The following LARP1B variants were observed in gnomAD, a reference collection of about 807,000 sequenced individuals.
LARP1B encodes the protein La ribonucleoprotein 1B.
LARP1B carries 76 observed loss-of-function variants against 114.2 expected under a neutral mutation model. The observed-to-expected ratio is 0.67, with a 90% CI of 0.55 to 0.81. The LOEUF (loss-of-function observed/expected upper bound fraction) is 0.81. LARP1B is among the 30% of genes least tolerant of loss of function. The pLI is 0.00. For synonymous variants in LARP1B, 345 were observed against 348.0 expected (o/e 0.99, Z 0.10); for missense variants, 1,014 against 1,075.8 (o/e 0.94, Z 0.80).
In LARP1B at chr4:128,159,485, C is replaced by T. The variant is rs142647795; in HGVS notation, c.1525-2709C>T. 1.1e-3 allele frequency among the ~76,000 whole-genome samples: 161 copies of T among 152,268 alleles called. 1 individual carries two copies. In the Middle Eastern group the frequency reaches 0.034, roughly 32 times the overall value. ...TGTTACATGATGGAATCACACATTT[C>T]TTAGAGCAATTTTAGATTCATAGCA... is the stretch of plus-strand genomic sequence containing the variant. On this transcript the variant is annotated intron_variant, in intron 11 of 19. Transcript: ENST00000326639.
At chr4:128,152,692 C>T (rs1202977178) in intron 11 of LARP1B, among the ~76,000 whole-genome samples, 3 of 151,072 alleles carry the variant, frequency 2.0e-5, no homozygotes, top group Non-Finnish European at 4.4e-5. Context: ...TAATTTTCTC[C>T]CTTTTTAGTG....
intron 15 of LARP1B, among the ~76,000 whole-genome samples, chr4:128,192,342 A>G (rs572445965): frequency 2.0e-4 from 30 of 152,286 alleles, no homozygotes; most frequent in Non-Finnish European, 3.4e-4. Context: ...ATATGCCCAT[A>G]TAATTCAGCT....
At chr4:128,139,776 A>T (rs1424393218) in intron 11 of LARP1B, among the ~76,000 whole-genome samples, 2 of 152,190 alleles carry the variant, frequency 1.3e-5, no homozygotes, top group Non-Finnish European at 2.9e-5. Context: ...TTAGTCAAGG[A>T]GATGAAAATA....
chr4:128,116,062 T>G lies in LARP1B; in HGVS notation c.1161+1320T>G, dbSNP rs1785700947. Among the ~76,000 whole-genome samples, 5 of 152,224 alleles carry G rather than the reference T, an allele frequency of 3.3e-5. No individual in the cohort carries two copies. The South Asian group carries it at 1.0e-3, about 31-fold the overall frequency. ...CTGGTTTATATATGTTTTGGTGATT[T>G]AATGTGCAAAAGGAAAAGAAAATTG... On this transcript the variant is annotated intron_variant, in intron 10 of 19. Transcript: ENST00000326639.
At position 128,199,478 on chromosome 4, in the gene LARP1B, A is replaced by C; in HGVS notation, c.2043A>C (p.Ala681=). 1 of 1,584,656 alleles carries C rather than the reference A, an allele frequency of 6.3e-7. No individual in the cohort carries two copies. The highest frequency in any genetic ancestry group is 8.6e-7 in the Non-Finnish European group (1 of 1,164,298). The change falls in exon 16 of 20, where the codon GCA becomes GCC. Residue 681 remains alanine, a synonymous_variant. Coordinates refer to ENST00000326639, the MANE Select transcript of LARP1B (RefSeq NM_018078.4). ...CACCTTCAGAAGGCGCACCACTAGC[A>C]GGAAGTTATGGATGTACTCCTCATT... ...NASPSEGAPL[A]GSYGCTPHSF... is the part of the protein sequence containing the mutation.
At chr4:128,069,701 T>C (rs1374895764) in intron 1 of LARP1B, 2 of 367,032 alleles carry the variant, frequency 5.4e-6, no homozygotes, top group Non-Finnish European at 1.0e-5. Flanking sequence ...CCCTTACTTG[T>C]ATTTATGGTT....
chr4:128,131,307 A>T lies in LARP1B; in HGVS notation c.1524+9119A>T, dbSNP rs562547753. On this transcript the variant is annotated intron_variant, in intron 11 of 19. Coordinates refer to ENST00000326639, the MANE Select transcript of LARP1B (RefSeq NM_018078.4). ...TGCTGTGAACCTAAAACTTCTAAAAATACCTAAAGAAAGATAACAGGTTAG... is the reference window on the plus strand; with the variant it reads ...TGCTGTGAACCTAAAACTTCTAAAATTACCTAAAGAAAGATAACAGGTTAG... 1.1e-4 allele frequency among the ~76,000 whole-genome samples: 16 copies of T among 152,316 alleles called. No homozygotes were observed. In the South Asian group the frequency reaches 3.1e-3, roughly 30 times the overall value.
In LARP1B at chr4:128,083,236, A is replaced by C. The variant is rs1771344167; in HGVS notation, c.358+931A>C. ...TACTACTTTCCACACAGACACGGCA[A>C]CCATCCGATTTCTCAATCTTTTCCC... is the stretch of plus-strand genomic sequence containing the variant. On this transcript the variant is annotated intron_variant, in intron 5 of 19. Coordinates refer to ENST00000326639, the MANE Select transcript of LARP1B (RefSeq NM_018078.4). Among the ~76,000 whole-genome samples the C allele has an allele frequency of 2.6e-5, 4 of 152,146 alleles. No homozygotes were observed. In the South Asian group the frequency reaches 8.3e-4, roughly 32 times the overall value.
chr4:128,107,565 G>T, intron 9 of LARP1B: 2 of 1,364,202 alleles, frequency 1.5e-6, no homozygotes, highest in African/African-American at 1.5e-5. Flanking sequence ...TGTCATGTAT[G>T]GAGTTTCTAT....
intron 5 of LARP1B, among the ~76,000 whole-genome samples, chr4:128,090,074 C>CT (rs778984219): frequency 0.024 from 2,819 of 119,164 alleles, 39 homozygotes; most frequent in Non-Finnish European, 0.035. Context: ...CACCGGGCCT[C>CT]TTTTTTTTTT....
intron 10 of LARP1B, 36 bp from the exon 11 acceptor site, chr4:128,121,790 A>T: frequency 7.2e-7 from 1 of 1,392,384 alleles, no homozygotes; most frequent in Non-Finnish European, 9.5e-7. Context: ...AAATGATAGA[A>T]AGTTTTTTAT....
chr4:128,143,159 G>C (rs9760910), intron 11 of LARP1B, among the ~76,000 whole-genome samples: 98,722 of 151,762 alleles, frequency 0.65, 32,408 homozygotes, highest in Middle Eastern at 0.82. Context: ...GTGGCACACA[G>C]CTGTAGTCTC....
chr4:128,169,408 C>T (rs985292063), intron 12 of LARP1B, among the ~76,000 whole-genome samples: 8 of 151,762 alleles, frequency 5.3e-5, no homozygotes, highest in African/African-American at 1.9e-4. Flanking sequence ...TTTTGATTTT[C>T]ATTCAGTTCT....
chr4:128,178,367 C>A, intron 13 of LARP1B, 64 bp from the exon 14 acceptor site: 2 of 1,174,094 alleles, frequency 1.7e-6, no homozygotes, highest in Non-Finnish European at 2.5e-6. Flanking sequence ...CAAAATTATC[C>A]TTATTCTCAA....
chr4:128,204,382 TG>T (rs1756957313), intron 17 of LARP1B, among the ~76,000 whole-genome samples: 1 of 151,916 alleles, frequency 6.6e-6, no homozygotes, highest in Non-Finnish European at 1.5e-5. Flanking sequence ...AGGCCAGGCG[TG>T]GTGGCTCATG....
At chr4:128,084,273 G>A (rs1376578550) in intron 5 of LARP1B, among the ~76,000 whole-genome samples, 22 of 152,172 alleles carry the variant, frequency 1.4e-4, no homozygotes, top group Non-Finnish European at 2.5e-4. Flanking sequence ...CAAGGCAGGC[G>A]GCTGGGAGAT....
At chr4:128,114,777 C>A in intron 10 of LARP1B, 35 bp downstream of exon 10, 1 of 1,594,614 alleles carries the variant, frequency 6.3e-7, no homozygotes, top group Non-Finnish European at 8.6e-7. Flanking sequence ...GTGTGACATA[C>A]CCTGGGTGGA....
rs778280824 is a variant in LARP1B at position 128,107,136 on chromosome 4, T to C, written c.814-3T>C. The C allele has an allele frequency of 8.1e-6, 13 of 1,611,246 alleles. No individual in the cohort carries two copies. The highest frequency in any genetic ancestry group is 1.7e-5 in the Admixed American group (1 of 59,870). The stretch of plus-strand genomic sequence containing the variant: ...ATTTTAATAGCTCAATTTCTGTTAA[T>C]AGGCACTGAAGGATAGCACAGAAGT... On this transcript the variant is annotated splice_polypyrimidine_tract_variant and splice_region_variant and intron_variant, in intron 8 of 19. Transcript: ENST00000326639.
intron 3 of LARP1B, 55 bp downstream of exon 3, chr4:128,075,048 G>A (rs373692350): frequency 1.3e-5 from 15 of 1,114,324 alleles, no homozygotes; most frequent in Admixed American, 1.2e-4. Flanking sequence ...TATTCATTTC[G>A]ACATGCAGAA....
Sources: gnomAD v4.1 joint callset for allele counts (sites outside exome capture counted in the v4.1 genomes callset) on GRCh38, gnomAD v4.1.1 for gene constraint, MANE v1.5 for transcripts, NCBI Gene and HGNC (gene_info 2026-07-23, HGNC 2026-07-21) for gene names.